Variants in HHAT observed in about 807,000 individuals in gnomAD.
The protein encoded by HHAT is hedgehog acyltransferase.
In HHAT, 47 loss-of-function variants were observed where a neutral mutation model predicts 70.8. That is an observed-to-expected ratio of 0.66 (90% confidence interval 0.53 to 0.85). The LOEUF is 0.85. HHAT is among the 40% of genes least tolerant of loss of function. HHAT has a pLI of 0.00. For missense variants in HHAT, 609 were observed against 604.8 expected, an observed-to-expected ratio of 1.01 and a Z score of -0.07; for synonymous variants, 228 against 247.6, an observed-to-expected ratio of 0.92 and a Z score of 0.74.
intron 11 of HHAT, among the ~76,000 whole-genome samples, chr1:210,645,542 G>C (rs1673871981): frequency 6.6e-6 from 1 of 152,186 alleles, no homozygotes; most frequent in Non-Finnish European, 1.5e-5. Flanking sequence ...GCAAGTACTG[G>C]ATAGTATTCA....
chr1:210,389,818 A>C (rs534751411), intron 4 of HHAT, among the ~76,000 whole-genome samples: 1 of 152,324 alleles, frequency 6.6e-6, no homozygotes, highest in African/African-American at 2.4e-5. Flanking sequence ...TCCATTAATG[A>C]GGGCAGAGCT....
chr1:210,346,276 T>A (rs2086519057), intron 1 of HHAT, among the ~76,000 whole-genome samples: 1 of 152,152 alleles, frequency 6.6e-6, no homozygotes, highest in Non-Finnish European at 1.5e-5. Flanking sequence ...GATCAGCTTT[T>A]TGCTAATCAG....
intron 9 of HHAT, among the ~76,000 whole-genome samples, chr1:210,540,465 A>G (rs1049157420): frequency 3.0e-5 from 4 of 135,202 alleles, no homozygotes; most frequent in South Asian, 2.4e-4. Flanking sequence ...ACACACACAC[A>G]CACACGCACA....
intron 11 of HHAT, 56 bp downstream of exon 11, chr1:210,623,726 A>T: frequency 6.4e-7 from 1 of 1,554,192 alleles, no homozygotes; most frequent in South Asian, 1.2e-5. Flanking sequence ...ATGTATGCGG[A>T]TGGGATCATA....
At chr1:210,353,988 T>C (rs572275708) in intron 2 of HHAT, among the ~76,000 whole-genome samples, 70 of 152,252 alleles carry the variant, frequency 4.6e-4, no homozygotes, top group African/African-American at 1.5e-3. Flanking sequence ...AGAGGAGTTA[T>C]AGAGTAAAAC....
chr1:210,553,490 G>A (rs570252071), intron 9 of HHAT, among the ~76,000 whole-genome samples: 2 of 152,316 alleles, frequency 1.3e-5, no homozygotes, highest in East Asian at 3.9e-4. Context: ...AGAAACATGA[G>A]TGAAGTGCAG....
intron 1 of HHAT, among the ~76,000 whole-genome samples, chr1:210,335,728 AAATG>A (rs1359096278): frequency 1.3e-5 from 2 of 152,244 alleles, no homozygotes; most frequent in Non-Finnish European, 1.5e-5. Context: ...CACATAGACA[AAATG>A]AATCTAGATC....
chr1:210,436,102 G>A (rs144226234), intron 7 of HHAT, among the ~76,000 whole-genome samples: 25 of 151,946 alleles, frequency 1.6e-4, no homozygotes, highest in African/African-American at 5.8e-4. Flanking sequence ...GGTCTTGGAT[G>A]TAAGTCTTTA....
In HHAT at chr1:210,553,325, G is replaced by A. The variant is rs190899180; in HGVS notation, c.1044-34573G>A. 4.1e-3 allele frequency among the ~76,000 whole-genome samples: 631 copies of A among 152,258 alleles called. 7 individuals are homozygous for A. The highest frequency in any genetic ancestry group is 5.8e-3 in the Admixed American group (89 of 15,294). ...TTGGCTCCCCACTTGGTACCCTGCC[G>A]TTAGAGGCTTTGAAAGGGTTGGGGT... On this transcript the variant is annotated intron_variant, in intron 9 of 11. Coordinates refer to ENST00000261458, the MANE Select transcript of HHAT (RefSeq NM_018194.6).
intron 8 of HHAT, among the ~76,000 whole-genome samples, chr1:210,486,201 G>A (rs771339829): frequency 6.6e-6 from 1 of 152,066 alleles, no homozygotes; most frequent in South Asian, 2.1e-4. Flanking sequence ...TTTGATAGAA[G>A]TGTAATCAGG....
chr1:210,645,811 A>G (rs886773910), intron 11 of HHAT, among the ~76,000 whole-genome samples: 4 of 152,186 alleles, frequency 2.6e-5, no homozygotes, highest in African/African-American at 7.2e-5. Context: ...TGAGGCCTGC[A>G]TCTGAGACTT....
intron 9 of HHAT, 33 bp downstream of exon 9, chr1:210,513,221 G>T: frequency 9.0e-7 from 1 of 1,117,312 alleles, no homozygotes; most frequent in South Asian, 1.3e-5. Context: ...AGATAACATT[G>T]AATAACATGT....
chr1:210,521,207 T>C (rs2095151792), intron 9 of HHAT, among the ~76,000 whole-genome samples: 6 of 152,244 alleles, frequency 3.9e-5, no homozygotes, highest in Admixed American at 3.3e-4. Context: ...AGCATGATTT[T>C]GTTCTGATGA....
chr1:210,617,359 G>A (rs1287676272), intron 10 of HHAT, among the ~76,000 whole-genome samples: 1 of 152,238 alleles, frequency 6.6e-6, no homozygotes, highest in African/African-American at 2.4e-5. Context: ...AAAGCATTTT[G>A]CAGAGTAGAG....
In HHAT at chr1:210,456,053, T is replaced by A. The variant is rs147230240; in HGVS notation, c.857-8452T>A. On this transcript the variant is annotated intron_variant, in intron 7 of 11. Transcript: ENST00000261458. The stretch of plus-strand genomic sequence containing the variant: ...CATCAGGAGAGCACCAGGTTTTGGC[T>A]TTGTCCCCTTCTGTTTGGCTGCTGT... Among the ~76,000 whole-genome samples the A allele has an allele frequency of 1.9e-3, 286 of 152,192 alleles. 7 individuals are homozygous for A. The South Asian group carries it at 0.041, about 22-fold the overall frequency.
intron 7 of HHAT, among the ~76,000 whole-genome samples, chr1:210,418,684 A>G (rs777402085): frequency 6.6e-6 from 1 of 152,136 alleles, no homozygotes; most frequent in Non-Finnish European, 1.5e-5. Flanking sequence ...CTAAGAGAGA[A>G]TGCTCCAAGA....
chr1:210,462,294 G>T (rs2093995887), intron 7 of HHAT: 1 of 152,178 alleles, frequency 6.6e-6, no homozygotes, highest in Non-Finnish European at 1.5e-5. Context: ...TCTTCAGGTG[G>T]ATCATTTTCA....
rs140296801 is a variant in HHAT at position 210,470,197 on chromosome 1, C to G, written c.1007+5542C>G. 6.1e-4 allele frequency among the ~76,000 whole-genome samples: 93 copies of G among 152,168 alleles called. 1 individual carries two copies. Among genetic ancestry groups the G allele is most frequent in the African/African-American group, 2.0e-3 (85 of 41,504 alleles). On this transcript the variant is annotated intron_variant, in intron 8 of 11. Coordinates refer to ENST00000261458, the MANE Select transcript of HHAT (RefSeq NM_018194.6). The stretch of plus-strand genomic sequence containing the variant: ...CAGAAAAGAAAGACCCGATAGGGTG[C>G]TAAGTGTTGAAGTAGATGGAAGGTA...
rs1403079389 is a variant in HHAT, at chr1:210,558,877, G to A, written c.1044-29021G>A. On this transcript the variant is annotated intron_variant, in intron 9 of 11. Coordinates refer to ENST00000261458, the MANE Select transcript of HHAT (RefSeq NM_018194.6). ...AAAGAGAAATTAAAAAGGAAGGTGC[G>A]GGGCTGTCTTGGGTCACCTTAGTGC... Among the ~76,000 whole-genome samples the A allele has an allele frequency of 3.9e-5, 6 of 152,142 alleles. No homozygotes were observed. In the South Asian group the frequency reaches 1.0e-3, roughly 26 times the overall value.
Sources: allele counts gnomAD v4.1 joint callset (sites outside exome capture counted in the v4.1 genomes callset), GRCh38; gene constraint gnomAD v4.1.1; transcripts MANE v1.5; gene names NCBI Gene and HGNC (gene_info 2026-07-23, HGNC 2026-07-21).